Variants in CAMK1D observed in about 807,000 individuals in gnomAD.
CAMK1D encodes the protein calcium/calmodulin dependent protein kinase ID.
In CAMK1D, 9 loss-of-function variants were observed where a neutral mutation model predicts 47.7. The ratio of observed to expected loss-of-function variants is 0.19; its 90% confidence interval spans 0.11 to 0.33. CAMK1D has a LOEUF of 0.33. CAMK1D is among the 10% of genes least tolerant of loss of function. The pLI is 1.00. For synonymous variants in CAMK1D, 184 were observed against 184.9 expected, an observed-to-expected ratio of 0.99 and a Z score of 0.04; for missense variants, 291 against 488.7, an observed-to-expected ratio of 0.60 and a Z score of 3.81.
intron 1 of CAMK1D, among the ~76,000 whole-genome samples, chr10:12,426,677 T>G (rs1312166121): frequency 6.6e-6 from 1 of 151,898 alleles, no homozygotes; most frequent in African/African-American, 2.4e-5. Flanking sequence ...GCTTCCTAAG[T>G]AGCTGGGACC....
chr10:12,715,653 G>A (rs888053283), intron 3 of CAMK1D, among the ~76,000 whole-genome samples: 1 of 150,140 alleles, frequency 6.7e-6, no homozygotes, highest in Non-Finnish European at 1.5e-5. Flanking sequence ...ATAGACAAAA[G>A]TTAGGGAAGT....
Position 12,825,623 on chromosome 10 carries a change from C to T in CAMK1D, c.972C>T (p.Leu324=), listed in dbSNP as rs768779672. 2.3e-5 allele frequency: 37 copies of T among 1,613,878 alleles called. No individual in the cohort carries two copies. Among genetic ancestry groups the T allele is most frequent in the Non-Finnish European group, 2.7e-5 (32 of 1,180,006 alleles). The change falls in exon 10 of 11, where the codon CTC becomes CTT. Residue 324 remains leucine, a synonymous_variant. Transcript: ENST00000619168. ...AVVRHMRKLH[L]GSSLDSSNAS... is the part of the protein sequence containing the mutation. ...TCAGACATATGAGAAAACTACACCTCGGCAGCAGCCTGGACAGTTCAAATG... is the reference window on the plus strand; with the variant it reads ...TCAGACATATGAGAAAACTACACCTTGGCAGCAGCCTGGACAGTTCAAATG...
intron 3 of CAMK1D, among the ~76,000 whole-genome samples, chr10:12,695,094 A>T (rs1445183100): frequency 6.6e-6 from 1 of 152,096 alleles, no homozygotes; most frequent in Non-Finnish European, 1.5e-5. Flanking sequence ...ATACATAGAT[A>T]TAGGGTAGAT....
At chr10:12,480,690 G>T (rs1219575855) in intron 1 of CAMK1D, among the ~76,000 whole-genome samples, 2 of 152,196 alleles carry the variant, frequency 1.3e-5, no homozygotes, top group African/African-American at 4.8e-5. Flanking sequence ...GCCCAAGGCC[G>T]TGTAGGTGAT....
chr10:12,687,462 C>A (rs1485159375), intron 3 of CAMK1D, among the ~76,000 whole-genome samples: 1 of 152,138 alleles, frequency 6.6e-6, no homozygotes, highest in Non-Finnish European at 1.5e-5. Context: ...ATTGTGGAAT[C>A]TCTGTGAGCT....
intron 3 of CAMK1D, among the ~76,000 whole-genome samples, chr10:12,701,193 A>G (rs897278425): frequency 6.6e-6 from 1 of 150,864 alleles, no homozygotes; most frequent in Non-Finnish European, 1.5e-5. Flanking sequence ...GCTCACTGCA[A>G]CCTCCGCCTC....
intron 5 of CAMK1D, among the ~76,000 whole-genome samples, chr10:12,779,770 C>T (rs1279372551): frequency 1.3e-5 from 2 of 151,232 alleles, no homozygotes; most frequent in Non-Finnish European, 2.9e-5. Flanking sequence ...GACAGTTCAT[C>T]ACCTAGCAGT....
intron 3 of CAMK1D, among the ~76,000 whole-genome samples, chr10:12,685,869 G>C (rs535746493): frequency 6.6e-6 from 1 of 152,276 alleles, no homozygotes; most frequent in South Asian, 2.1e-4. Context: ...AAGTTGTGCC[G>C]GAGATTATGA....
chr10:12,622,267 C>T (rs77183041), intron 2 of CAMK1D, among the ~76,000 whole-genome samples: 33,320 of 152,012 alleles, frequency 0.22, 4,007 homozygotes, highest in South Asian at 0.37. Context: ...TGGAGTTGAG[C>T]GGTTGTTGTC....
At chr10:12,399,738 T>A (rs1207910119) in intron 1 of CAMK1D, among the ~76,000 whole-genome samples, 1 of 152,202 alleles carries the variant, frequency 6.6e-6, no homozygotes, top group Non-Finnish European at 1.5e-5. Context: ...TTTTTGTTGG[T>A]GATTTTGCTG....
chr10:12,734,717 C>T (rs920278709), intron 3 of CAMK1D, among the ~76,000 whole-genome samples: 6 of 151,914 alleles, frequency 3.9e-5, no homozygotes, highest in Non-Finnish European at 5.9e-5. Flanking sequence ...CAACCTCTCC[C>T]TACTCCTCAT....
intron 1 of CAMK1D, among the ~76,000 whole-genome samples, chr10:12,458,301 G>T (rs929811826): frequency 6.6e-6 from 1 of 152,198 alleles, no homozygotes; most frequent in Non-Finnish European, 1.5e-5. Context: ...GGAAGAGAAG[G>T]CTCATGCGGC....
intron 3 of CAMK1D, among the ~76,000 whole-genome samples, chr10:12,674,771 C>T (rs904208936): frequency 6.6e-6 from 1 of 151,690 alleles, no homozygotes; most frequent in Non-Finnish European, 1.5e-5. Context: ...CGGTGGCTCA[C>T]GCCTGTAATC....
At chr10:12,771,782 C>T (rs1333158796) in intron 5 of CAMK1D, among the ~76,000 whole-genome samples, 3 of 152,152 alleles carry the variant, frequency 2.0e-5, no homozygotes, top group African/African-American at 7.2e-5. Context: ...GCCTGTAATC[C>T]CAGCACTTTG....
At chr10:12,664,746 A>T (rs1340564363) in intron 2 of CAMK1D, among the ~76,000 whole-genome samples, 2 of 152,222 alleles carry the variant, frequency 1.3e-5, no homozygotes, top group Non-Finnish European at 2.9e-5. Flanking sequence ...GACGTACTTA[A>T]ACTACAAAAG....
At chr10:12,633,218 GA>G (rs1262394337) in intron 2 of CAMK1D, among the ~76,000 whole-genome samples, 1 of 152,202 alleles carries the variant, frequency 6.6e-6, no homozygotes, top group African/African-American at 2.4e-5. Context: ...AGAAGATGGG[GA>G]AATTGGAGAG....
chr10:12,465,458 G>T (rs1358402781), intron 1 of CAMK1D, among the ~76,000 whole-genome samples: 1 of 152,118 alleles, frequency 6.6e-6, no homozygotes, highest in Non-Finnish European at 1.5e-5. Context: ...AGGTTCAAAC[G>T]ATTTTCCTGC....
chr10:12,351,834 G>C (rs1314912516), intron 1 of CAMK1D, among the ~76,000 whole-genome samples: 3 of 152,186 alleles, frequency 2.0e-5, no homozygotes, highest in Non-Finnish European at 4.4e-5. Flanking sequence ...GTCTCTCTTA[G>C]GGTCCTAAAG....
intron 6 of CAMK1D, among the ~76,000 whole-genome samples, chr10:12,799,293 C>G (rs2482030): frequency 5.3e-5 from 8 of 152,068 alleles, no homozygotes; most frequent in South Asian, 2.1e-4. Flanking sequence ...GAGGACACGC[C>G]GAAAGTGCAG....
Sources: gnomAD v4.1 joint callset for allele counts (sites outside exome capture counted in the v4.1 genomes callset) on GRCh38, gnomAD v4.1.1 for gene constraint, MANE v1.5 for transcripts, NCBI Gene and HGNC (gene_info 2026-07-23, HGNC 2026-07-21) for gene names.